Variants in PKHD1 observed in about 807,000 individuals in gnomAD.
PKHD1 encodes PKHD1 ciliary IPT domain containing fibrocystin/polyductin, also known as fibrocystin.
In PKHD1, 291 loss-of-function variants were observed where a neutral mutation model predicts 412.0. The observed-to-expected ratio is 0.71, with a 90% CI of 0.64 to 0.78. PKHD1 has a LOEUF of 0.78. Among genes scored for constraint, PKHD1 ranks in the 30% least tolerant of loss-of-function variants. The probability of loss-of-function intolerance (pLI) is 0.00; values close to 1 mark genes in which losing one functional copy is unlikely to be tolerated. For synonymous variants in PKHD1, 1,777 were observed against 1,821.5 expected (o/e 0.98, Z 0.62); for missense variants, 4,825 against 4,950.7 (o/e 0.97, Z 0.76).
intron 14 of PKHD1, 68 bp from the exon 15 acceptor site, chr6:52,060,110 G>A: frequency 1.2e-6 from 1 of 828,558 alleles, no homozygotes; most frequent in Non-Finnish European, 2.1e-6. Context: ...ACAAATGACT[G>A]CCCTTGTACT....
At chr6:51,929,359 A>T (rs773537054) in intron 37 of PKHD1, among the ~76,000 whole-genome samples, 1 of 152,232 alleles carries the variant, frequency 6.6e-6, no homozygotes, top group Non-Finnish European at 1.5e-5. Context: ...CAGTTTTAAC[A>T]GTGGAACTCT....
chr6:51,994,175 C>T (rs1160880607), intron 35 of PKHD1, among the ~76,000 whole-genome samples: 1 of 151,232 alleles, frequency 6.6e-6, no homozygotes, highest in Non-Finnish European at 1.5e-5. Flanking sequence ...CGCTCTTTCG[C>T]CCAGGCCGGA....
intron 39 of PKHD1, 41 bp downstream of exon 39, chr6:51,911,758 C>CT (rs1340521798): frequency 1.9e-6 from 3 of 1,556,518 alleles, no homozygotes; most frequent in South Asian, 1.1e-5. Flanking sequence ...TAAGAATATT[C>CT]TTTTTTGCTC....
rs149734013 is a variant in PKHD1 at position 52,022,021 on chromosome 6, CT to C, written c.5380+779del. Among the ~76,000 whole-genome samples the C allele has an allele frequency of 9.9e-3, 1,514 of 152,310 alleles. 33 individuals carry two copies. Among genetic ancestry groups the C allele is most frequent in the African/African-American group, 0.034 (1,394 of 41,562 alleles). Reference sequence around the variant, plus strand: ...ATGATTAGGCAAATAAGGTAATCACCTGGCTAAATGTGAGCTATCTCAAATG... The same window carrying C: ...ATGATTAGGCAAATAAGGTAATCACCGGCTAAATGTGAGCTATCTCAAATG... On this transcript the variant is annotated intron_variant, in intron 33 of 66. Transcript: ENST00000371117.
chr6:52,086,671 A>G (rs548197487), intron 1 of PKHD1, among the ~76,000 whole-genome samples: 11 of 152,312 alleles, frequency 7.2e-5, no homozygotes, highest in Middle Eastern at 3.4e-3. Context: ...CAAACAATCT[A>G]TGTACCTGCC....
chr6:51,994,138 C>CTTT (rs34571890), intron 35 of PKHD1, among the ~76,000 whole-genome samples: 5 of 143,924 alleles, frequency 3.5e-5, no homozygotes, highest in African/African-American at 7.6e-5. Flanking sequence ...TTTTTTCTTT[C>CTTT]TTTTTTTTTT....
chr6:51,659,066 T>C lies in PKHD1; in HGVS notation c.11060A>G (p.Gln3687Arg). 3.7e-6 allele frequency: 6 copies of C among 1,613,780 alleles called. No homozygotes were observed. Among genetic ancestry groups the C allele is most frequent in the Non-Finnish European group, 4.2e-6 (5 of 1,179,780 alleles). ...AGTGATGACTCGATGAGCCAAATTC[T>C]GTAATTTGTTACTTGATAAGGATGA... ...MISSLSSNKL[Q>R]NLAHRVITAQ... The change falls in exon 61 of 67, where the codon CAG becomes CGG. Residue 3687 changes from glutamine to arginine, a missense_variant. By Grantham distance (43) the Gln-to-Arg change is conservative. Transcript: ENST00000371117.
At chr6:51,722,779 T>C (rs1782088187) in intron 60 of PKHD1, among the ~76,000 whole-genome samples, 1 of 152,160 alleles carries the variant, frequency 6.6e-6, no homozygotes. Context: ...AAGTAAAATG[T>C]AACATGAATG....
intron 43 of PKHD1, among the ~76,000 whole-genome samples, chr6:51,891,235 T>C (rs547615550): frequency 4.6e-5 from 7 of 152,316 alleles, no homozygotes; most frequent in African/African-American, 1.7e-4. Flanking sequence ...AATTTCCAAA[T>C]GAAAGGAAAA....
At chr6:51,690,732 T>C (rs1362668022) in intron 60 of PKHD1, among the ~76,000 whole-genome samples, 3 of 151,996 alleles carry the variant, frequency 2.0e-5, no homozygotes, top group Non-Finnish European at 4.4e-5. Context: ...ACCTAGGCAA[T>C]ACCATTCAGG....
chr6:51,956,128 AAGACTTTGGTCATATGCCTTTT>A (rs2098533770), intron 36 of PKHD1, among the ~76,000 whole-genome samples: 1 of 152,080 alleles, frequency 6.6e-6, no homozygotes, highest in South Asian at 2.1e-4. Flanking sequence ...TTCACCAGTG[AAGACTTTGGTCATATGCCTTTT>A]AGAAACAGAA....
chr6:51,793,984 C>T (rs1794166292), intron 52 of PKHD1, among the ~76,000 whole-genome samples: 1 of 152,044 alleles, frequency 6.6e-6, no homozygotes, highest in African/African-American at 2.4e-5. Flanking sequence ...ATTTACACTC[C>T]TACCAATAGT....
intron 6 of PKHD1, among the ~76,000 whole-genome samples, chr6:52,073,805 G>C (rs1281944538): frequency 6.6e-6 from 1 of 152,134 alleles, no homozygotes; most frequent in Non-Finnish European, 1.5e-5. Context: ...AAGGAATAAT[G>C]GGTCTTCTTC....
intron 13 of PKHD1, among the ~76,000 whole-genome samples, chr6:52,063,787 T>C (rs1259736206): frequency 6.6e-6 from 1 of 152,204 alleles, no homozygotes; most frequent in African/African-American, 2.4e-5. Flanking sequence ...AGGGGCAACA[T>C]TGCCCCTGGT....
At chr6:52,002,141 T>C (rs189207267) in intron 35 of PKHD1, among the ~76,000 whole-genome samples, 1 of 152,350 alleles carries the variant, frequency 6.6e-6, no homozygotes, top group African/African-American at 2.4e-5. Flanking sequence ...AATCCAGTTT[T>C]ATTTTAGAGT....
intron 60 of PKHD1, among the ~76,000 whole-genome samples, chr6:51,692,950 T>C (rs1778355636): frequency 1.3e-5 from 2 of 152,220 alleles, no homozygotes; most frequent in African/African-American, 4.8e-5. Context: ...GAAATGTTCT[T>C]TGGATTTAAC....
intron 60 of PKHD1, among the ~76,000 whole-genome samples, chr6:51,683,328 C>T (rs1414341848): frequency 6.6e-6 from 1 of 151,972 alleles, no homozygotes; most frequent in Non-Finnish European, 1.5e-5. Context: ...ACACAATTGA[C>T]ACTAAACACT....
chr6:51,981,967 G>T (rs1371665780), intron 35 of PKHD1, among the ~76,000 whole-genome samples: 1,275 of 77,582 alleles, frequency 0.016, 25 homozygotes, highest in African/African-American at 0.043. Flanking sequence ...CCTCTGCCCC[G>T]CCGCCCTGTC....
intron 61 of PKHD1, among the ~76,000 whole-genome samples, chr6:51,656,046 T>A (rs201484725): frequency 6.6e-6 from 1 of 152,164 alleles, no homozygotes; most frequent in African/African-American, 2.4e-5. Context: ...TGCACACATA[T>A]GTTTATTGCA....
Sources: allele counts gnomAD v4.1 joint callset (sites outside exome capture counted in the v4.1 genomes callset), GRCh38; gene constraint gnomAD v4.1.1; transcripts MANE v1.5; gene names NCBI Gene and HGNC (gene_info 2026-07-23, HGNC 2026-07-21).